The following PHF24 variants were observed in gnomAD, a reference collection of about 807,000 sequenced individuals.
The protein encoded by PHF24 is Galpha inhibitory interacting protein.
A neutral mutation model predicts 42.6 loss-of-function variants in PHF24; 25 were observed. The ratio of observed to expected loss-of-function variants is 0.59; its 90% CI spans 0.43 to 0.82. The LOEUF is 0.82. PHF24 is among the 40% of genes least tolerant of loss of function. The probability of loss-of-function intolerance (pLI) is 0.00; values close to 1 mark genes in which losing one functional copy is unlikely to be tolerated. For missense variants in PHF24, 470 were observed against 538.1 expected, an observed-to-expected ratio of 0.87 and a Z score of 1.25; for synonymous variants, 185 against 204.8, an observed-to-expected ratio of 0.90 and a Z score of 0.83.
chr9:34,666,878 G>A, the PHF24 span, among the ~76,000 whole-genome samples: 4 of 152,216 alleles, frequency 2.6e-5, no homozygotes. Flanking sequence ...CTGGGAGGCG[G>A]AGGTTGCTGT....
the PHF24 span, chr9:34,922,617 C>T: frequency 0.022 from 22,320 of 1,003,974 alleles, 675 homozygotes; most frequent in East Asian, 0.11. Flanking sequence ...AAGAACTTTT[C>T]CAAAAGGGAC....
the PHF24 span, among the ~76,000 whole-genome samples, chr9:34,708,325 A>T: frequency 6.6e-6 from 1 of 151,314 alleles, no homozygotes; most frequent in Non-Finnish European, 1.5e-5. Context: ...AGAAAGGAGG[A>T]AAAAAAAAGG....
chr9:34,743,558 GA>G, the PHF24 span, among the ~76,000 whole-genome samples: 1 of 152,154 alleles, frequency 6.6e-6, no homozygotes. Flanking sequence ...AACTACGTGG[GA>G]TTTTGGGAAG....
At chr9:34,773,026 T>C in the PHF24 span, among the ~76,000 whole-genome samples, 8 of 152,078 alleles carry the variant, frequency 5.3e-5, no homozygotes, top group African/African-American at 1.7e-4. Flanking sequence ...ATTTTGCTCT[T>C]GTTGCCCAGG....
chr9:34,747,182 G>C, the PHF24 span, among the ~76,000 whole-genome samples: 1 of 152,108 alleles, frequency 6.6e-6, no homozygotes, highest in South Asian at 2.1e-4. Flanking sequence ...CTGTGGGTTG[G>C]GGGGTGGGGG....
the PHF24 span, chr9:34,917,133 C>A: frequency 1.1e-6 from 1 of 938,288 alleles, no homozygotes. Flanking sequence ...CGCGGCCTAC[C>A]TTTACCGGCC....
chr9:34,906,218 C>T, the PHF24 span, among the ~76,000 whole-genome samples: 3 of 151,898 alleles, frequency 2.0e-5, no homozygotes, highest in South Asian at 6.2e-4. Flanking sequence ...GTAACATAGT[C>T]TCAAGAGGTC....
At chr9:34,850,980 C>A in the PHF24 span, among the ~76,000 whole-genome samples, 35 of 152,220 alleles carry the variant, frequency 2.3e-4, no homozygotes, top group African/African-American at 8.2e-4. Flanking sequence ...GAGGAGTACC[C>A]GGCCATGTGA....
At chr9:34,853,373 A>G in the PHF24 span, among the ~76,000 whole-genome samples, 1 of 152,172 alleles carries the variant, frequency 6.6e-6, no homozygotes, top group African/African-American at 2.4e-5. Context: ...CCAGTATCTT[A>G]TTAAGGATTT....
the PHF24 span, among the ~76,000 whole-genome samples, chr9:34,927,018 T>C: frequency 9.5e-4 from 144 of 152,246 alleles, no homozygotes; most frequent in African/African-American, 3.4e-3. Flanking sequence ...GCTGTGGGGC[T>C]GTTTCTCCGG....
At chr9:34,878,035 C>A in the PHF24 span, among the ~76,000 whole-genome samples, 1 of 151,968 alleles carries the variant, frequency 6.6e-6, no homozygotes, top group Non-Finnish European at 1.5e-5. Context: ...AAAAGTGAAC[C>A]CCAATGTAAA....
At chr9:34,832,529 C>T in the PHF24 span, 1 of 1,525,364 alleles carries the variant, frequency 6.6e-7, no homozygotes, top group East Asian at 2.5e-5. Context: ...CCACAGGGCT[C>T]TTGGCTGGAG....
the PHF24 span, among the ~76,000 whole-genome samples, chr9:34,929,550 A>C: frequency 6.6e-6 from 1 of 152,214 alleles, no homozygotes; most frequent in Non-Finnish European, 1.5e-5. Context: ...CAAACTAATG[A>C]ATGATGAGTG....
the PHF24 span, among the ~76,000 whole-genome samples, chr9:34,942,840 A>G: frequency 4.0e-5 from 6 of 151,672 alleles, no homozygotes; most frequent in Non-Finnish European, 7.4e-5. Flanking sequence ...CACACACGGG[A>G]GCCTGTCATG....
the PHF24 span, among the ~76,000 whole-genome samples, chr9:34,942,853 A>T: frequency 2.6e-5 from 4 of 151,104 alleles, no homozygotes; most frequent in Admixed American, 6.6e-5. Flanking sequence ...CTGTCATGGG[A>T]TGGGGGGCAG....
the PHF24 span, among the ~76,000 whole-genome samples, chr9:34,680,383 A>C: frequency 6.6e-6 from 1 of 150,884 alleles, no homozygotes; most frequent in Admixed American, 6.6e-5. Flanking sequence ...TCAAAAAATA[A>C]AAAAATAAAA....
chr9:34,718,763 G>A, the PHF24 span, among the ~76,000 whole-genome samples: 1 of 152,220 alleles, frequency 6.6e-6, no homozygotes, highest in East Asian at 1.9e-4. Context: ...AAGTGAAGCA[G>A]CCATGGTCCC....
At chr9:34,764,188 G>A in the PHF24 span, among the ~76,000 whole-genome samples, 6 of 152,194 alleles carry the variant, frequency 3.9e-5, no homozygotes, top group Non-Finnish European at 8.8e-5. Flanking sequence ...GCCCGGCTTT[G>A]GTATCAGGAT....
the PHF24 span, among the ~76,000 whole-genome samples, chr9:34,875,980 T>TCTCTCTCTCTCG: frequency 7.9e-6 from 1 of 126,170 alleles, no homozygotes; most frequent in African/African-American, 3.0e-5. Flanking sequence ...TCTCTCTCTC[T>TCTCTCTCTCTCG]CTCTCTCACT....
Sources: allele counts gnomAD v4.1 joint callset (sites outside exome capture counted in the v4.1 genomes callset), GRCh38; gene constraint gnomAD v4.1.1; transcripts MANE v1.5; gene names NCBI Gene and HGNC (gene_info 2026-07-23, HGNC 2026-07-21).